Variants in CCDC87 observed in about 807,000 individuals in gnomAD.
The protein encoded by CCDC87 is coiled-coil domain containing 87, also known as coiled-coil domain-containing protein 87.
For missense variants in CCDC87, 1,072 were observed against 1,041.7 expected, an observed-to-expected ratio of 1.03 and a Z score of -0.40; for synonymous variants, 434 against 440.2, an observed-to-expected ratio of 0.99 and a Z score of 0.18.
rs1445150015 is a variant in CCDC87 at position 66,592,168 on chromosome 11, A to T, written c.848T>A (p.Met283Lys). ...KREIDISSSQMVSLPSYPVAP... is the reference protein window; with the variant it reads ...KREIDISSSQKVSLPSYPVAP... ...CACAGGATAGCTGGGCAGCGACACCATCTGTGAGGAACTGATGTCGATTTC... is the reference window on the plus strand; with the variant it reads ...CACAGGATAGCTGGGCAGCGACACCTTCTGTGAGGAACTGATGTCGATTTC... The change falls in exon 1 of 1, where the codon ATG becomes AAG. Residue 283 changes from methionine (M) to lysine (K), a missense_variant. Transcript: ENST00000333861. The T allele has an allele frequency of 1.3e-6, 2 of 1,591,622 alleles. No individual in the cohort carries two copies. The highest frequency in any genetic ancestry group is 1.7e-6 in the Non-Finnish European group (2 of 1,169,000).
At position 66,592,837 on chromosome 11, in the gene CCDC87, C is replaced by A; in HGVS notation, c.179G>T (p.Ser60Ile). The change falls in exon 1 of 1, where the codon AGC becomes ATC. Residue 60 changes from serine (S) to isoleucine (I), a missense_variant. Coordinates refer to ENST00000333861, the MANE Select transcript of CCDC87 (RefSeq NM_018219.3). ...LAKLTVASLC[S>I]QVAKLLAGSG... The stretch of plus-strand genomic sequence containing the variant: ...GCCGGCCAGCAGCTTGGCCACCTGG[C>A]TGCACAGCGACGCCACCGTCAGCTT... 1.3e-6 allele frequency: 2 copies of A among 1,585,700 alleles called. No individual in the cohort carries two copies. Among genetic ancestry groups the A allele is most frequent in the Non-Finnish European group, 1.7e-6 (2 of 1,165,308 alleles).
chr11:66,592,349 A>G lies in CCDC87; in HGVS notation c.667T>C (p.Ser223Pro). ...ATGAGGTAGTTCAGGTTGAGGTTAG[A>G]GCACTGCACTTGGGCGAAGCCAGTG... The part of the protein sequence containing the change: ...HSTGFAQVQC[S>P]NLNLNYLIQL... The change falls in exon 1 of 1, where the codon TCT (serine) becomes CCT (proline). Residue 223 changes from serine (S) to proline (P), a missense_variant. Coordinates refer to ENST00000333861, the MANE Select transcript of CCDC87 (RefSeq NM_018219.3). 2 of 1,614,160 alleles carry G rather than the reference A, an allele frequency of 1.2e-6. No individual in the cohort carries two copies. The highest frequency in any genetic ancestry group is 1.7e-6 in the Non-Finnish European group (2 of 1,180,012).
Position 66,590,221 on chromosome 11 carries a change from A to T in CCDC87, c.*245T>A, listed in dbSNP as rs1858324356. ...CTTGTATTGTGCAAGGCTTGACATA[A>T]TGGGACTACTAGGCTTGGGGATTCT... On this transcript the variant is annotated 3_prime_UTR_variant, in exon 1 of 1. Coordinates refer to ENST00000333861, the MANE Select transcript of CCDC87 (RefSeq NM_018219.3). The T allele has an allele frequency of 2.0e-6, 1 of 495,184 alleles. No homozygotes were observed. Among genetic ancestry groups the T allele is most frequent in the South Asian group, 3.4e-5 (1 of 29,574 alleles). 30.7% of individuals were successfully genotyped at this position (495,184 alleles called of 1,614,324 possible). A position where few individuals can be genotyped will look rare whatever the true frequency, so the allele number is the denominator to read the frequency against.
Position 66,592,149 on chromosome 11 carries a change from A to G in CCDC87, c.867T>C (p.Tyr289=). 1.3e-6 allele frequency: 2 copies of G among 1,587,124 alleles called. No individual in the cohort carries two copies. The highest frequency in any genetic ancestry group is 1.7e-6 in the Non-Finnish European group (2 of 1,166,608). The change falls in exon 1 of 1, where the codon TAT becomes TAC. Residue 289 remains tyrosine (Y), a synonymous_variant. Coordinates refer to ENST00000333861, the MANE Select transcript of CCDC87 (RefSeq NM_018219.3). ...AAGCCCTGCTGGTGGGGGCCACAGG[A>G]TAGCTGGGCAGCGACACCATCTGTG... ...SSSQMVSLPS[Y]PVAPTSRASP...
In CCDC87 at chr11:66,590,478, T is replaced by G; in HGVS notation, c.2538A>C (p.Ala846=). 6.2e-7 allele frequency: 1 copy of G among 1,609,050 alleles called. No individual in the cohort carries two copies. The highest frequency in any genetic ancestry group is 8.5e-7 in the Non-Finnish European group (1 of 1,177,388). ...TTCCCAGGAGCTACTAAAGGCTGGC[T>G]GCTGAGCTCCTGAACAGGGTTGACT... ...PHQSTLFRSS[A]ASL is the part of the protein sequence containing the mutation. The change falls in exon 1 of 1, where the codon GCA becomes GCC. Residue 846 remains alanine, a synonymous_variant. Transcript: ENST00000333861.
rs749652942 is a variant in CCDC87, at chr11:66,593,057, G to A, written c.-42C>T. ...ACCGTCCAGGAACAGAAAGCCGAGGGGTTACTAAGGCAACCAGGAGCCCGA... is the reference window on the plus strand; with the variant it reads ...ACCGTCCAGGAACAGAAAGCCGAGGAGTTACTAAGGCAACCAGGAGCCCGA... On this transcript the variant is annotated 5_prime_UTR_variant, in exon 1 of 1. Transcript: ENST00000333861. 2.1e-5 allele frequency: 32 copies of A among 1,495,612 alleles called. No individual in the cohort carries two copies. Among genetic ancestry groups the A allele is most frequent in the Non-Finnish European group, 2.8e-5 (31 of 1,123,148 alleles). 92.6% of individuals were successfully genotyped at this position (1,495,612 alleles called of 1,614,324 possible).
At position 66,591,343 on chromosome 11, in the gene CCDC87, G is replaced by C; in HGVS notation, c.1673C>G (p.Ser558Cys). The C allele has an allele frequency of 6.2e-7, 1 of 1,614,156 alleles. No individual in the cohort carries two copies. The highest frequency in any genetic ancestry group is 8.5e-7 in the Non-Finnish European group (1 of 1,180,034). ...LYSQRANTLQ[S>C]NTKKMPSLPS... Reference sequence around the variant, plus strand: ...GAGGGAGGGCATCTTCTTAGTATTGGACTGTAAAGTGTTTGCTCTCTGGGA... The same window carrying C: ...GAGGGAGGGCATCTTCTTAGTATTGCACTGTAAAGTGTTTGCTCTCTGGGA... Residue 558 changes from serine (S) to cysteine (C), a missense_variant, in exon 1 of 1, where the codon TCC (serine) becomes TGC (cysteine). Coordinates refer to ENST00000333861, the MANE Select transcript of CCDC87 (RefSeq NM_018219.3).
Position 66,591,771 on chromosome 11 carries a change from G to A in CCDC87, c.1245C>T (p.Asp415=), listed in dbSNP as rs879082571. ...LQEEEASGQW[D]PQPPKSFPLH... is the part of the protein sequence containing the mutation. Reference sequence around the variant, plus strand: ...GTGGAAAGGATTTGGGGGGCTGGGGGTCCCACTGCCCAGAGGCTTCTTCCT... The same window carrying A: ...GTGGAAAGGATTTGGGGGGCTGGGGATCCCACTGCCCAGAGGCTTCTTCCT... The change falls in exon 1 of 1, where the codon GAC becomes GAT. Residue 415 remains aspartate (D), a synonymous_variant. Transcript: ENST00000333861. 6.2e-7 allele frequency: 1 copy of A among 1,613,602 alleles called. No homozygotes were observed. Among genetic ancestry groups the A allele is most frequent in the East Asian group, 2.2e-5 (1 of 44,886 alleles).
chr11:66,590,606 G>A lies in CCDC87; in HGVS notation c.2410C>T (p.Pro804Ser). 1 of 1,614,186 alleles carries A rather than the reference G, an allele frequency of 6.2e-7. No homozygotes were observed. Among genetic ancestry groups the A allele is most frequent in the Non-Finnish European group, 8.5e-7 (1 of 1,180,036 alleles). ...TCACTCTTCATCTTGTCCAGGTAGG[G>A]CCGCCCCTTGAAGATCACTGGCTCG... ...FGEPVIFKGR[P>S]YLDKMKSDKV... The change falls in exon 1 of 1, where the codon CCC (proline) becomes TCC (serine). Residue 804 changes from proline (P) to serine (S), a missense_variant. By Grantham distance (74) the Pro-to-Ser change is moderately conservative (BLOSUM62 -1). Coordinates refer to ENST00000333861, the MANE Select transcript of CCDC87 (RefSeq NM_018219.3).
chr11:66,591,467 G>C lies in CCDC87; in HGVS notation c.1549C>G (p.Pro517Ala). ...LHFDQGPLVE[P>A]AADKDWSTFL... ...GTCGACCAGTCTTTATCTGCTGCAG[G>C]CTCAACTAGGGGCCCTTGATCAAAA... The change falls in exon 1 of 1, where the codon CCT becomes GCT. Residue 517 changes from proline (P) to alanine (A), a missense_variant. Physicochemically the swap from Pro to Ala is conservative, Grantham distance 27. Transcript: ENST00000333861. The C allele has an allele frequency of 6.2e-7, 1 of 1,614,162 alleles. No homozygotes were observed.
In CCDC87 at chr11:66,590,465, A is replaced by G. The variant is rs367675853; in HGVS notation, c.*1T>C. 8.7e-6 allele frequency: 14 copies of G among 1,602,830 alleles called. No individual in the cohort carries two copies. Among genetic ancestry groups the G allele is most frequent in the Non-Finnish European group, 1.1e-5 (13 of 1,174,466 alleles). On this transcript the variant is annotated 3_prime_UTR_variant, in exon 1 of 1. Transcript: ENST00000333861. Reference sequence around the variant, plus strand: ...AGTAATAGGGGTATTCCCAGGAGCTACTAAAGGCTGGCTGCTGAGCTCCTG... The same window carrying G: ...AGTAATAGGGGTATTCCCAGGAGCTGCTAAAGGCTGGCTGCTGAGCTCCTG...
rs2065493456 is a variant in CCDC87, at chr11:66,592,879, T to C, written c.137A>G (p.Gln46Arg). 2 of 1,554,176 alleles carry C rather than the reference T, an allele frequency of 1.3e-6. No homozygotes were observed. The highest frequency in any genetic ancestry group is 2.7e-5 in the African/African-American group (2 of 72,932). Residue 46 changes from glutamine to arginine, a missense_variant, in exon 1 of 1, where the codon CAG becomes CGG. Transcript: ENST00000333861. ...KRPPQEGRIL[Q>R]SFPLAKLTVA... ...CGTCAGCTTCGCCAGAGGGAAGGAC[T>C]GCAGAATCCGGCCCTCCTGCGGGGG...
chr11:66,591,547 G>C lies in CCDC87; in HGVS notation c.1469C>G (p.Thr490Ser), dbSNP rs903016163. 8.7e-6 allele frequency: 14 copies of C among 1,614,158 alleles called. No individual in the cohort carries two copies. Among genetic ancestry groups the C allele is most frequent in the Non-Finnish European group, 1.2e-5 (14 of 1,180,034 alleles). ...KMDIDNFVGS[T>S]TREVYKELMS... ...CAACTCCTTGTAGACCTCCCTGGTA[G>C]TACTGCCAACAAAGTTATCAATATC... The change falls in exon 1 of 1, where the codon ACT becomes AGT. Residue 490 changes from threonine (T) to serine (S), a missense_variant. Thr to Ser is a moderately conservative substitution (Grantham distance 58). Transcript: ENST00000333861.
At position 66,591,568 on chromosome 11, in the gene CCDC87, A is replaced by G. The variant is rs1858358144; in HGVS notation, c.1448T>C (p.Ile483Thr). The G allele has an allele frequency of 6.2e-7, 1 of 1,614,050 alleles. No homozygotes were observed. The highest frequency in any genetic ancestry group is 8.5e-7 in the Non-Finnish European group (1 of 1,180,036). Residue 483 changes from isoleucine to threonine, a missense_variant, in exon 1 of 1, where the codon ATT becomes ACT. Ile to Thr is a moderately conservative substitution (Grantham distance 89). Transcript: ENST00000333861. ...LDPKAIEKMD[I>T]DNFVGSTTRE... ...GGTAGTACTGCCAACAAAGTTATCA[A>G]TATCCATTTTTTCAATGGCTTTGGG...
At position 66,591,367 on chromosome 11, in the gene CCDC87, G is replaced by A; in HGVS notation, c.1649C>T (p.Ser550Phe). The A allele has an allele frequency of 6.2e-7, 1 of 1,614,146 alleles. No homozygotes were observed. The highest frequency in any genetic ancestry group is 8.5e-7 in the Non-Finnish European group (1 of 1,180,030). ...IINPELVGLY[S>F]QRANTLQSNT... is the part of the protein sequence containing the mutation. The stretch of plus-strand genomic sequence containing the variant: ...GGACTGTAAAGTGTTTGCTCTCTGG[G>A]AGTAAAGTCCAACCAGCTCAGGGTT... Residue 550 changes from serine to phenylalanine, a missense_variant, in exon 1 of 1, where the codon TCC (serine) becomes TTC (phenylalanine). Coordinates refer to ENST00000333861, the MANE Select transcript of CCDC87 (RefSeq NM_018219.3).
rs757982759 is a variant in CCDC87, at chr11:66,590,565, G to C, written c.2451C>G (p.Leu817=). 3.1e-6 allele frequency: 5 copies of C among 1,614,220 alleles called. No individual in the cohort carries two copies. The highest frequency in any genetic ancestry group is 4.2e-6 in the Non-Finnish European group (5 of 1,180,038). Residue 817 remains leucine, a synonymous_variant, in exon 1 of 1, where the codon CTC becomes CTG. Coordinates refer to ENST00000333861, the MANE Select transcript of CCDC87 (RefSeq NM_018219.3). ...CCCGCCGCTGCTGTTGCAGCCAATA[G>C]AGCATCTCCACTTTGTCACTCTTCA... The part of the protein sequence containing the change: ...DKMKSDKVEM[L]YWLQQQRRVR...
Position 66,591,111 on chromosome 11 carries a change from C to A in CCDC87, c.1905G>T (p.Gln635His), listed in dbSNP as rs756187652. 6.2e-7 allele frequency: 1 copy of A among 1,614,106 alleles called. No homozygotes were observed. Among genetic ancestry groups the A allele is most frequent in the Non-Finnish European group, 8.5e-7 (1 of 1,180,022 alleles). The change falls in exon 1 of 1, where the codon CAG (glutamine) becomes CAT (histidine). Residue 635 changes from glutamine (Q) to histidine (H), a missense_variant. Coordinates refer to ENST00000333861, the MANE Select transcript of CCDC87 (RefSeq NM_018219.3). ...VAPARESLEI[Q>H]HPPPLLEDEE... ...CATCTTCTAGCAATGGGGGAGGGTGCTGAATCTCTAGGGACTCTCTGGCAG... is the reference window on the plus strand; with the variant it reads ...CATCTTCTAGCAATGGGGGAGGGTGATGAATCTCTAGGGACTCTCTGGCAG...
In CCDC87 at chr11:66,590,666, C is replaced by T. The variant is rs1858335900; in HGVS notation, c.2350G>A (p.Val784Ile). Residue 784 changes from valine (V) to isoleucine (I), a missense_variant, in exon 1 of 1, where the codon GTT (valine) becomes ATT (isoleucine). Val to Ile is a conservative substitution (Grantham distance 29). Transcript: ENST00000333861. ...RKLNLMESSLVSLLEEIELIF... is the reference protein window; with the variant it reads ...RKLNLMESSLISLLEEIELIF... ...AACTCTATCTCCTCCAGGAGGGAAA[C>T]CAAAGAAGACTCCATTAAGTTGAGC... is the stretch of plus-strand genomic sequence containing the variant. 3 of 1,613,910 alleles carry T rather than the reference C, an allele frequency of 1.9e-6. No individual in the cohort carries two copies. Among genetic ancestry groups the T allele is most frequent in the African/African-American group, 1.3e-5 (1 of 74,922 alleles).
Position 66,592,786 on chromosome 11 carries a change from G to C in CCDC87, c.230C>G (p.Pro77Arg), listed in dbSNP as rs951298348. 1 of 1,610,750 alleles carries C rather than the reference G, an allele frequency of 6.2e-7. No homozygotes were observed. The highest frequency in any genetic ancestry group is 1.3e-5 in the African/African-American group (1 of 74,866). ...CTTGATGAGACGTAGTCGGGCCTCA[G>C]GAGGCACTCCCGCTGCTATCCCGCT... is the stretch of plus-strand genomic sequence containing the variant. ...AGSGIAAGVPPEARLRLIKVI... is the reference protein window; with the variant it reads ...AGSGIAAGVPREARLRLIKVI... The change falls in exon 1 of 1, where the codon CCT becomes CGT. Residue 77 changes from proline to arginine, a missense_variant. Pro to Arg is a moderately radical substitution (Grantham distance 103). Coordinates refer to ENST00000333861, the MANE Select transcript of CCDC87 (RefSeq NM_018219.3).
Sources: allele counts gnomAD v4.1 joint callset, GRCh38; gene constraint gnomAD v4.1.1; transcripts MANE v1.5; gene names NCBI Gene and HGNC (gene_info 2026-07-23, HGNC 2026-07-21).